The following TDRD9 variants were observed in gnomAD, a reference collection of about 807,000 sequenced individuals.
TDRD9 encodes the protein ATP-dependent RNA helicase TDRD9.
In TDRD9, 124 loss-of-function variants were observed where a neutral mutation model predicts 172.6. That is an observed-to-expected ratio of 0.72 (90% CI 0.62 to 0.83). TDRD9 has a LOEUF of 0.83. Among genes scored for constraint, TDRD9 ranks in the 40% least tolerant of loss-of-function variants. The pLI, the probability that TDRD9 is intolerant of heterozygous loss-of-function variation, is 0.00. For synonymous variants in TDRD9, 619 were observed against 617.1 expected, an observed-to-expected ratio of 1.00 and a Z score of -0.05; for missense variants, 1,479 against 1,714.1, an observed-to-expected ratio of 0.86 and a Z score of 2.42.
chr14:104,025,646 A>G lies in TDRD9; in HGVS notation c.2801A>G (p.Asn934Ser). 6.2e-7 allele frequency: 1 copy of G among 1,614,026 alleles called. No individual in the cohort carries two copies. The highest frequency in any genetic ancestry group is 1.1e-5 in the South Asian group (1 of 91,082). ...EILKKLTAEI[N>S]QLTLVPLPTH... ...CTGAAAAAGCTTACTGCTGAAATCA[A>G]CCAACTGACGCTGGTGCCCTTGCCC... Residue 934 changes from asparagine to serine, a missense_variant, in exon 26 of 36, where the codon AAC becomes AGC. Asn to Ser is a conservative substitution (Grantham distance 46). This residue lies in a region of TDRD9 where 1,413 missense variants were observed against 1,649.1 expected (regional missense o/e 0.86). Coordinates refer to ENST00000409874, the MANE Select transcript of TDRD9 (RefSeq NM_153046.3).
chr14:103,956,100 AAAAAAAAAAAAATAT>A (rs1249997645), intron 2 of TDRD9, among the ~76,000 whole-genome samples: 2 of 55,530 alleles, frequency 3.6e-5, no homozygotes, highest in East Asian at 4.6e-4. Context: ...AAAAAAAAAA[AAAAAAAAAAAAATAT>A]ATATATATAT....
chr14:103,928,539 C>A lies in TDRD9; in HGVS notation c.30C>A (p.Ile10=). 1 of 1,398,878 alleles carries A rather than the reference C, an allele frequency of 7.1e-7. No individual in the cohort carries two copies. The highest frequency in any genetic ancestry group is 3.0e-5 in the Admixed American group (1 of 32,828). 86.7% of individuals were successfully genotyped at this position (1,398,878 alleles called of 1,614,324 possible). MLRKLTIEQ[I]NDWFTIGKTV... is the part of the protein sequence containing the mutation. The stretch of plus-strand genomic sequence containing the variant: ...TGCGGAAGCTCACCATCGAGCAGAT[C>A]AACGACTGGTTCACCATCGGCAAGA... Residue 10 remains isoleucine, a synonymous_variant, in exon 1 of 36, where the codon ATC becomes ATA. Transcript: ENST00000409874.
intron 7 of TDRD9, among the ~76,000 whole-genome samples, chr14:103,983,037 C>G (rs1316934170): frequency 6.6e-6 from 1 of 150,510 alleles, no homozygotes; most frequent in African/African-American, 2.5e-5. Context: ...CCCGCCCCAC[C>G]TGGACTCGCT....
chr14:103,940,697 A>G (rs1320609284), intron 1 of TDRD9: 1 of 687,380 alleles, frequency 1.5e-6, no homozygotes, highest in Admixed American at 2.9e-5. Context: ...CTACATCCAC[A>G]GGATACTGAC....
In TDRD9 at chr14:103,940,785, A is replaced by C. The variant is rs552593437; in HGVS notation, c.215+12061A>C. On this transcript the variant is annotated intron_variant, in intron 1 of 35. Transcript: ENST00000409874. ...TAGGAGTTCTAAGGTGTTCATAAAAACCCCTCTAGTTGTAAGTAACTTAAC... is the reference window on the plus strand; with the variant it reads ...TAGGAGTTCTAAGGTGTTCATAAAACCCCCTCTAGTTGTAAGTAACTTAAC... The C allele has an allele frequency of 1.9e-5, 29 of 1,504,420 alleles. No homozygotes were observed. In the African/African-American group the frequency reaches 2.5e-4, roughly 13 times the overall value. 93.2% of individuals were successfully genotyped at this position (1,504,420 alleles called of 1,614,324 possible). A position where few individuals can be genotyped will look rare whatever the true frequency, so the allele number is the denominator to read the frequency against.
chr14:103,956,111 A>T (rs12435083), intron 2 of TDRD9, among the ~76,000 whole-genome samples: 173 of 18,218 alleles, frequency 9.5e-3, no homozygotes, highest in Non-Finnish European at 0.012. Flanking sequence ...AAAAAAAAAA[A>T]ATATATATAT....
At chr14:103,973,568 A>G (rs1401561506) in intron 6 of TDRD9, among the ~76,000 whole-genome samples, 1 of 152,180 alleles carries the variant, frequency 6.6e-6, no homozygotes, top group Admixed American at 6.5e-5. Flanking sequence ...GCTGCCGGGG[A>G]GGGTGGATGA....
chr14:103,997,080 G>A lies in TDRD9; in HGVS notation c.1378+1273G>A, dbSNP rs1287297019. Among the ~76,000 whole-genome samples, 1 of 152,216 alleles carries A rather than the reference G, an allele frequency of 6.6e-6. No individual in the cohort carries two copies. The highest frequency in any genetic ancestry group is 1.9e-4 in the East Asian group (1 of 5,188). ...AGCAGGGGCCATGCAGGGCCCATAG[G>A]ACCTGGTACAACCTTGCTGTGCTGG... On this transcript the variant is annotated intron_variant, in intron 12 of 35. Transcript: ENST00000409874. This position sits in a 1 kb window ranked among gnomAD's most constrained non-coding sequence, Gnocchi z 5.1.
chr14:103,970,442 C>T, intron 5 of TDRD9, 99 bp from the exon 6 acceptor site: 1 of 798,914 alleles, frequency 1.3e-6, no homozygotes, highest in Non-Finnish European at 2.1e-6. Context: ...GCAGAGAGAA[C>T]TGGTTTAGTC....
intron 7 of TDRD9, among the ~76,000 whole-genome samples, chr14:103,979,970 G>A (rs1330635934): frequency 6.6e-6 from 1 of 150,966 alleles, no homozygotes; most frequent in African/African-American, 2.4e-5. Flanking sequence ...TGAACTCCTT[G>A]GCTCAAGAGA....
intron 1 of TDRD9, among the ~76,000 whole-genome samples, chr14:103,943,138 T>C (rs2031341571): frequency 6.6e-6 from 1 of 151,584 alleles, no homozygotes; most frequent in South Asian, 2.1e-4. Flanking sequence ...TTTTCTTTCT[T>C]TCTTTTTTTT....
At chr14:104,025,494 T>G in intron 25 of TDRD9, 70 bp from the exon 26 acceptor site, 1 of 1,229,930 alleles carries the variant, frequency 8.1e-7, no homozygotes, top group Admixed American at 2.0e-5. Context: ...AGCCCTATGA[T>G]TCAAGCTCAT....
At chr14:103,986,001 G>A (rs947597525) in intron 7 of TDRD9, among the ~76,000 whole-genome samples, 3 of 152,202 alleles carry the variant, frequency 2.0e-5, no homozygotes, top group Non-Finnish European at 4.4e-5. Flanking sequence ...ACTAGGCGAG[G>A]AGATTGATGA....
At chr14:103,970,439 G>A in intron 5 of TDRD9, 102 bp from the exon 6 acceptor site, 1 of 781,222 alleles carries the variant, frequency 1.3e-6, no homozygotes, top group Non-Finnish European at 2.2e-6. Context: ...TTAGCAGAGA[G>A]AACTGGTTTA....
chr14:104,049,571 T>C lies in TDRD9; in HGVS notation c.3975-37T>C, dbSNP rs1410921147. On this transcript the variant is annotated intron_variant, in intron 34 of 35. Transcript: ENST00000409874. ...TCACAGCAGTGTTTTCAGTTACTAA[T>C]ATATAATTAAGATAATTTCTTTTTT... The C allele has an allele frequency of 2.0e-6, 3 of 1,475,372 alleles. No individual in the cohort carries two copies. In the South Asian group the frequency reaches 3.8e-5, roughly 19 times the overall value. 91.4% of individuals were successfully genotyped at this position (1,475,372 alleles called of 1,614,324 possible).
At chr14:104,016,234 G>C in intron 22 of TDRD9, 146 bp downstream of exon 22, 2 of 594,028 alleles carry the variant, frequency 3.4e-6, no homozygotes, top group South Asian at 2.3e-5. Flanking sequence ...GGTGTATCTA[G>C]GCTTGTTTGG....
intron 1 of TDRD9, among the ~76,000 whole-genome samples, chr14:103,955,355 G>C (rs2032142891): frequency 6.6e-6 from 1 of 152,134 alleles, no homozygotes; most frequent in Non-Finnish European, 1.5e-5. Context: ...GACAGAGAGA[G>C]ACCTTGCCTC....
At chr14:104,037,273 C>T (rs557192482) in intron 32 of TDRD9, among the ~76,000 whole-genome samples, 27 of 152,184 alleles carry the variant, frequency 1.8e-4, no homozygotes, top group Non-Finnish European at 3.4e-4. Flanking sequence ...GCCGCTGCCC[C>T]GCCATGCGCC....
At chr14:103,953,202 C>T (rs1451137221) in intron 1 of TDRD9, among the ~76,000 whole-genome samples, 2 of 152,138 alleles carry the variant, frequency 1.3e-5, no homozygotes, top group Admixed American at 6.5e-5. Flanking sequence ...TATAATTACT[C>T]CCAGCTCCTC....
Sources: allele counts gnomAD v4.1 joint callset (sites outside exome capture counted in the v4.1 genomes callset), GRCh38; gene constraint gnomAD v4.1.1; regional missense constraint gnomAD v4.1.1; non-coding constraint Gnocchi (gnomAD v3.1); transcripts MANE v1.5; gene names NCBI Gene and HGNC (gene_info 2026-07-23, HGNC 2026-07-21).